The following KLHL14 variants were observed in gnomAD, a reference collection of about 807,000 sequenced individuals.
KLHL14 encodes the protein kelch like family member 14, also known as kelch-like protein 14.
Under a neutral mutation model 64.3 loss-of-function variants are expected in KLHL14, and 22 were observed. That is an observed-to-expected ratio of 0.34 (90% CI 0.24 to 0.49). KLHL14 has a LOEUF of 0.49. Ranked by LOEUF, KLHL14 falls within the 20% of genes least tolerant of loss-of-function variation. The pLI, the probability that KLHL14 is intolerant of heterozygous loss-of-function variation, is 0.99. For missense variants in KLHL14, 661 were observed against 789.0 expected (o/e 0.84, Z 1.94); for synonymous variants, 322 against 333.4 (o/e 0.97, Z 0.37).
chr18:32,761,435 T>C (rs2050313656), intron 2 of KLHL14, among the ~76,000 whole-genome samples: 1 of 138,000 alleles, frequency 7.2e-6, no homozygotes, highest in Non-Finnish European at 1.5e-5. Flanking sequence ...GGTGCCAAGC[T>C]CTTTTCTGCC....
intron 1 of KLHL14, among the ~76,000 whole-genome samples, chr18:32,771,700 C>T (rs1002850238): frequency 2.6e-5 from 4 of 151,994 alleles, no homozygotes; most frequent in African/African-American, 9.7e-5. Flanking sequence ...GCACGGTTTC[C>T]CCTCCCGGGC....
At chr18:32,708,150 T>G (rs998377868) in intron 3 of KLHL14, among the ~76,000 whole-genome samples, 1 of 152,170 alleles carries the variant, frequency 6.6e-6, no homozygotes, top group Non-Finnish European at 1.5e-5. Flanking sequence ...TGGATGGATG[T>G]ATTTCTGACA....
intron 3 of KLHL14, among the ~76,000 whole-genome samples, chr18:32,705,267 G>C (rs184991724): frequency 1.2e-4 from 18 of 152,326 alleles, no homozygotes; most frequent in Admixed American, 8.5e-4. Context: ...CAAATAGCTA[G>C]AAGGAGAATG....
At position 32,677,790 on chromosome 18, in the gene KLHL14, G is replaced by C. The variant is rs547370505; in HGVS notation, c.1589-460C>G. ...CATTTTATAGATAAGGGAACTGAGA[G>C]ACAGAGAAAGTCAATTACTTGAGTA... is the stretch of plus-strand genomic sequence containing the variant. On this transcript the variant is annotated intron_variant, in intron 7 of 8. Coordinates refer to ENST00000359358, the MANE Select transcript of KLHL14 (RefSeq NM_020805.3). Among the ~76,000 whole-genome samples, 5 of 152,284 alleles carry C rather than the reference G, an allele frequency of 3.3e-5. No homozygotes were observed. The East Asian group carries it at 5.8e-4, about 18-fold the overall frequency.
chr18:32,747,810 TA>T (rs1269056602), intron 2 of KLHL14, among the ~76,000 whole-genome samples: 1 of 152,184 alleles, frequency 6.6e-6, no homozygotes, highest in Non-Finnish European at 1.5e-5. Context: ...AATCTTTTTT[TA>T]AAAAAACAAG....
intron 2 of KLHL14, among the ~76,000 whole-genome samples, chr18:32,769,386 A>G (rs2050364240): frequency 6.6e-6 from 1 of 152,074 alleles, no homozygotes; most frequent in African/African-American, 2.4e-5. Context: ...CACAATTCCC[A>G]TGTTTACGGC....
At chr18:32,679,438 C>A (rs1323554054) in intron 7 of KLHL14, among the ~76,000 whole-genome samples, 1 of 152,104 alleles carries the variant, frequency 6.6e-6, no homozygotes, top group Non-Finnish European at 1.5e-5. Flanking sequence ...GTTTCTTCAT[C>A]TTCAGATGAG....
At chr18:32,726,642 T>A (rs1007520480) in intron 3 of KLHL14, among the ~76,000 whole-genome samples, 22 of 150,062 alleles carry the variant, frequency 1.5e-4, no homozygotes, top group African/African-American at 2.3e-4. Flanking sequence ...AATAAATAAA[T>A]AAAAATAAAA....
chr18:32,693,423 G>C (rs759543044), intron 4 of KLHL14, among the ~76,000 whole-genome samples: 21,319 of 133,776 alleles, frequency 0.16, 1,841 homozygotes, highest in Non-Finnish European at 0.22. Context: ...CAGAGAGAGA[G>C]AGAGAGAGAG....
chr18:32,680,577 G>A lies in KLHL14; in HGVS notation c.1261C>T (p.Arg421Trp), dbSNP rs2049833645. ...QERRASFYAC[R>W]LDKHLYVIGG... ...ATTACGTATAAATGCTTGTCCAACC[G>A]ACATGCATAGAAACTGGCTCTTCTA... Residue 421 changes from arginine to tryptophan, a missense_variant, in exon 6 of 9, where the codon CGG becomes TGG. This residue lies in a region of KLHL14 where 330 missense variants were observed against 450.0 expected (regional missense o/e 0.73). Coordinates refer to ENST00000359358, the MANE Select transcript of KLHL14 (RefSeq NM_020805.3). This position sits in a 1 kb window ranked among gnomAD's most constrained non-coding sequence, Gnocchi z 4.8. 1.2e-6 allele frequency: 2 copies of A among 1,611,576 alleles called. No homozygotes were observed. The highest frequency in any genetic ancestry group is 2.2e-5 in the East Asian group (1 of 44,674).
chr18:32,711,161 T>C (rs1456316814), intron 3 of KLHL14, among the ~76,000 whole-genome samples: 3 of 151,826 alleles, frequency 2.0e-5, no homozygotes, highest in East Asian at 3.9e-4. Flanking sequence ...AAGGAAAAAA[T>C]AGGAAGAGTA....
intron 4 of KLHL14, among the ~76,000 whole-genome samples, chr18:32,689,203 A>G (rs1598549592): frequency 6.6e-6 from 1 of 152,278 alleles, no homozygotes; most frequent in East Asian, 1.9e-4. Context: ...AAGTGCGGCT[A>G]TGGGTGCAAA....
chr18:32,769,393 C>T (rs1229948206), intron 2 of KLHL14, among the ~76,000 whole-genome samples: 3 of 152,212 alleles, frequency 2.0e-5, no homozygotes, highest in African/African-American at 7.2e-5. Flanking sequence ...CCCATGTTTA[C>T]GGCTCTGGGG....
chr18:32,695,422 A>G, intron 4 of KLHL14, 41 bp downstream of exon 4: 1 of 1,219,944 alleles, frequency 8.2e-7, no homozygotes, highest in Non-Finnish European at 1.2e-6. Context: ...CATTACACAC[A>G]TACTTGTTGA....
At chr18:32,738,543 G>GT (rs2050178298) in intron 3 of KLHL14, 1 of 152,014 alleles carries the variant, frequency 6.6e-6, no homozygotes. Flanking sequence ...ACAAAAAGAC[G>GT]TTGCAGTCAT....
At chr18:32,713,812 G>A (rs151004208) in intron 3 of KLHL14, among the ~76,000 whole-genome samples, 2 of 151,972 alleles carry the variant, frequency 1.3e-5, no homozygotes, top group Admixed American at 6.6e-5. Flanking sequence ...ATTTCTAATT[G>A]TAAAACACTT....
chr18:32,720,114 CA>C (rs1241979923), intron 3 of KLHL14, among the ~76,000 whole-genome samples: 1 of 152,178 alleles, frequency 6.6e-6, no homozygotes, highest in East Asian at 1.9e-4. Flanking sequence ...GTCAGCAGGA[CA>C]TTTTAGAGGT....
In KLHL14 at chr18:32,741,996, G is replaced by A. The variant is rs751249603; in HGVS notation, c.1001C>T (p.Pro334Leu). 1.8e-5 allele frequency: 29 copies of A among 1,612,852 alleles called. No individual in the cohort carries two copies. The highest frequency in any genetic ancestry group is 2.2e-5 in the East Asian group (1 of 44,872). The change falls in exon 3 of 9, where the codon CCG (proline) becomes CTG (leucine). Residue 334 changes from proline (P) to leucine (L), a missense_variant. Physicochemically the swap from Pro to Leu is moderately conservative, Grantham distance 98 (BLOSUM62 -3). Coordinates refer to ENST00000359358, the MANE Select transcript of KLHL14 (RefSeq NM_020805.3). ...LLLVGGLPPG[P>L]DRLPSNLVQY... Reference sequence around the variant, plus strand: ...AACCAAATTGCTGGGGAGCCGGTCCGGTCCAGGAGGCAGCCCTCCAACCAA... The same window carrying A: ...AACCAAATTGCTGGGGAGCCGGTCCAGTCCAGGAGGCAGCCCTCCAACCAA...
chr18:32,709,351 G>C (rs1264814763), intron 3 of KLHL14, among the ~76,000 whole-genome samples: 1 of 152,132 alleles, frequency 6.6e-6, no homozygotes, highest in African/African-American at 2.4e-5. Flanking sequence ...TGCTGGAAGA[G>C]AGACCTTTCC....
Sources: gnomAD v4.1 joint callset for allele counts (sites outside exome capture counted in the v4.1 genomes callset) on GRCh38, gnomAD v4.1.1 for gene constraint, gnomAD v4.1.1 regional missense constraint, Gnocchi (gnomAD v3.1) non-coding constraint, MANE v1.5 for transcripts, NCBI Gene and HGNC (gene_info 2026-07-23, HGNC 2026-07-21) for gene names.